The following COLEC12 variants were observed in gnomAD, a reference collection of about 807,000 sequenced individuals.
COLEC12 encodes collectin subfamily member 12, also known as collectin-12.
COLEC12 carries 33 observed loss-of-function variants against 71.1 expected under a neutral mutation model. That is an observed-to-expected ratio of 0.46 (90% confidence interval 0.35 to 0.62). The LOEUF (loss-of-function observed/expected upper bound fraction) is 0.62, where lower values mean the gene tolerates loss of function less well. Ranked by LOEUF, COLEC12 falls within the 20% of genes least tolerant of loss-of-function variation. COLEC12 has a pLI of 0.00. For missense variants in COLEC12, 765 were observed against 916.1 expected (o/e 0.84, Z 2.13); for synonymous variants, 350 against 353.0 (o/e 0.99, Z 0.10).
In COLEC12 at chr18:341,181, T is replaced by C. The variant is rs566072774; in HGVS notation, c.1327+5114A>G. ...CTGCTGTCAGTAAACTCTCTGTCATTTCCACCTCCCCAAACATGTCATCTA... is the reference window on the plus strand; with the variant it reads ...CTGCTGTCAGTAAACTCTCTGTCATCTCCACCTCCCCAAACATGTCATCTA... On this transcript the variant is annotated intron_variant, in intron 5 of 9. Transcript: ENST00000400256. Among the ~76,000 whole-genome samples, 10 of 152,330 alleles carry C rather than the reference T, an allele frequency of 6.6e-5. No individual in the cohort carries two copies. The South Asian group carries it at 1.9e-3, about 28-fold the overall frequency.
intron 2 of COLEC12, among the ~76,000 whole-genome samples, chr18:418,622 G>A (rs535834310): frequency 2.0e-5 from 3 of 152,258 alleles, no homozygotes; most frequent in East Asian, 1.9e-4. Context: ...TGAAGGAGCC[G>A]GCCAAAATCC....
intron 1 of COLEC12, among the ~76,000 whole-genome samples, chr18:498,385 G>A (rs917575045): frequency 1.0e-5 from 1 of 97,436 alleles, no homozygotes; most frequent in Admixed American, 1.1e-4. Context: ...TTTAGACGGA[G>A]TCTCGCTCTT....
intron 2 of COLEC12, among the ~76,000 whole-genome samples, chr18:410,071 G>A (rs1915864259): frequency 6.6e-6 from 1 of 152,178 alleles, no homozygotes; most frequent in Admixed American, 6.5e-5. Flanking sequence ...CCTCCCTGTA[G>A]CATTCTTCTG....
At chr18:442,435 C>A (rs751839930) in intron 2 of COLEC12, among the ~76,000 whole-genome samples, 1 of 152,198 alleles carries the variant, frequency 6.6e-6, no homozygotes, top group Non-Finnish European at 1.5e-5. Flanking sequence ...AAAACCCATG[C>A]TGATGCGTAG....
intron 2 of COLEC12, among the ~76,000 whole-genome samples, chr18:464,067 G>C (rs1917038045): frequency 6.6e-6 from 1 of 152,076 alleles, no homozygotes; most frequent in Non-Finnish European, 1.5e-5. Context: ...ATCCCTGCCT[G>C]TCCGCGTGTG....
chr18:434,937 C>T (rs1714729859), intron 2 of COLEC12, among the ~76,000 whole-genome samples: 1 of 152,174 alleles, frequency 6.6e-6, no homozygotes. Context: ...AGTGCCCCAC[C>T]TCGAGGCCAT....
intron 2 of COLEC12, among the ~76,000 whole-genome samples, chr18:382,151 C>T (rs948573612): frequency 1.3e-5 from 2 of 152,188 alleles, no homozygotes; most frequent in African/African-American, 4.8e-5. Context: ...ACAGGCATTG[C>T]AGATGGCCAG....
chr18:395,333 C>T (rs1915547314), intron 2 of COLEC12, among the ~76,000 whole-genome samples: 1 of 152,204 alleles, frequency 6.6e-6, no homozygotes, highest in African/African-American at 2.4e-5. Flanking sequence ...ATGAGGAAGG[C>T]AAGAGAGTTG....
intron 2 of COLEC12, among the ~76,000 whole-genome samples, chr18:440,469 T>C (rs1279981035): frequency 1.3e-5 from 2 of 152,160 alleles, no homozygotes; most frequent in African/African-American, 4.8e-5. Context: ...ATTGTATACA[T>C]AAATCAGCAC....
At chr18:492,549 C>A (rs969850415) in intron 1 of COLEC12, among the ~76,000 whole-genome samples, 1 of 152,044 alleles carries the variant, frequency 6.6e-6, no homozygotes, top group Non-Finnish European at 1.5e-5. Context: ...GAGGAAAATT[C>A]TCATCCAGTC....
intron 6 of COLEC12, 25 bp from the exon 7 acceptor site, chr18:333,168 T>A (rs374940948): frequency 6.4e-7 from 1 of 1,574,464 alleles, no homozygotes; most frequent in Non-Finnish European, 8.6e-7. Flanking sequence ...GTGGAAAACA[T>A]TGATTAAAAG....
intron 3 of COLEC12, among the ~76,000 whole-genome samples, chr18:354,232 C>T (rs1289564218): frequency 1.3e-5 from 2 of 152,186 alleles, no homozygotes; most frequent in Non-Finnish European, 2.9e-5. Context: ...GCTCAACTGT[C>T]CAAGAACATG....
At chr18:373,482 C>A (rs1915046371) in intron 2 of COLEC12, among the ~76,000 whole-genome samples, 1 of 152,190 alleles carries the variant, frequency 6.6e-6, no homozygotes, top group Admixed American at 6.5e-5. Context: ...ACTAATTCCT[C>A]AGTGAGGAGG....
In COLEC12 at chr18:319,341, A is replaced by AATATATATATATATATATATAT. The variant is rs1555611774; in HGVS notation, c.*682_*703dup. 3.0e-5 allele frequency: 2 copies of AATATATATATATATATATATAT among 67,164 alleles called. No individual in the cohort carries two copies. Among genetic ancestry groups the AATATATATATATATATATATAT allele is most frequent in the African/African-American group, 9.7e-5 (2 of 20,558 alleles). 4.2% of individuals were successfully genotyped at this position (67,164 alleles called of 1,614,324 possible). On this transcript the variant is annotated 3_prime_UTR_variant, in exon 10 of 10. Coordinates refer to ENST00000400256, the MANE Select transcript of COLEC12 (RefSeq NM_130386.3). ...AACATTAAAAAAAAAAAAAAAAAAAAATATATATATATATATATATATACA... is the reference window on the plus strand; with the variant it reads ...AACATTAAAAAAAAAAAAAAAAAAAAATATATATATATATATATATATATATATATATATATATATATATACA...
chr18:349,508 A>G (rs2143480910), intron 3 of COLEC12, among the ~76,000 whole-genome samples: 1 of 152,302 alleles, frequency 6.6e-6, no homozygotes, highest in Non-Finnish European at 1.5e-5. Context: ...GTGGTGTCGG[A>G]GCCCCCACAC....
At position 334,881 on chromosome 18, in the gene COLEC12, A is replaced by T; in HGVS notation, c.1677T>A (p.Pro559=). ...GCAAGCCTGGCAGTCCCCGAGGTCC[A>T]GGCACCCCAGGCTCCCCAACGGTGC... ...LQGTVGEPGV[P]GPRGLPGLPG... is the part of the protein sequence containing the mutation. The change falls in exon 6 of 10, where the codon CCT becomes CCA. Residue 559 remains proline, a synonymous_variant. Coordinates refer to ENST00000400256, the MANE Select transcript of COLEC12 (RefSeq NM_130386.3). 1 of 1,520,424 alleles carries T rather than the reference A, an allele frequency of 6.6e-7. No homozygotes were observed. The highest frequency in any genetic ancestry group is 8.7e-7 in the Non-Finnish European group (1 of 1,144,130). 94.2% of individuals were successfully genotyped at this position (1,520,424 alleles called of 1,614,324 possible).
chr18:327,252 T>A lies in COLEC12; in HGVS notation c.2063+4416A>T, dbSNP rs887013750. Among the ~76,000 whole-genome samples the A allele has an allele frequency of 2.3e-4, 35 of 152,366 alleles. No individual in the cohort carries two copies. Among genetic ancestry groups the A allele is most frequent in the African/African-American group, 7.5e-4 (31 of 41,576 alleles). ...AAATAATTATAGGTTTATTATTATTTTTTTTAATGCTGAGATTTGCTGATT... is the reference window on the plus strand; with the variant it reads ...AAATAATTATAGGTTTATTATTATTATTTTTAATGCTGAGATTTGCTGATT... On this transcript the variant is annotated intron_variant, in intron 8 of 9. Coordinates refer to ENST00000400256, the MANE Select transcript of COLEC12 (RefSeq NM_130386.3). This position sits in a 1 kb window ranked among gnomAD's most constrained non-coding sequence, Gnocchi z 4.0.
intron 2 of COLEC12, among the ~76,000 whole-genome samples, chr18:378,337 C>T (rs759210649): frequency 2.6e-4 from 39 of 152,158 alleles, no homozygotes; most frequent in Non-Finnish European, 5.1e-4. Flanking sequence ...ACACAAAAAC[C>T]GTCATAAATA....
At chr18:394,271 C>T (rs571243140) in intron 2 of COLEC12, among the ~76,000 whole-genome samples, 4 of 152,290 alleles carry the variant, frequency 2.6e-5, no homozygotes, top group African/African-American at 9.6e-5. Flanking sequence ...CAACCTGGTA[C>T]TGGGGTCAGT....
Sources: allele counts gnomAD v4.1 joint callset (sites outside exome capture counted in the v4.1 genomes callset), GRCh38; gene constraint gnomAD v4.1.1; non-coding constraint Gnocchi (gnomAD v3.1); transcripts MANE v1.5; gene names NCBI Gene and HGNC (gene_info 2026-07-23, HGNC 2026-07-21).